Variants in SHISA6 observed in about 807,000 individuals in gnomAD.
SHISA6 encodes protein shisa-6.
In SHISA6, 22 loss-of-function variants were observed where a neutral mutation model predicts 47.9. The ratio of observed to expected loss-of-function variants is 0.46; its 90% confidence interval spans 0.33 to 0.66. The LOEUF (loss-of-function observed/expected upper bound fraction) is 0.66, where lower values mean the gene tolerates loss of function less well. SHISA6 is among the 30% of genes least tolerant of loss of function. SHISA6 has a pLI of 0.02. For missense variants in SHISA6, 680 were observed against 764.6 expected (o/e 0.89, Z 1.30); for synonymous variants, 388 against 337.8 (o/e 1.15, Z -1.63).
intron 2 of SHISA6, among the ~76,000 whole-genome samples, chr17:11,294,135 C>T (rs976924918): frequency 2.6e-5 from 4 of 152,122 alleles, no homozygotes; most frequent in Admixed American, 6.5e-5. Context: ...CCACTCACCT[C>T]GGCCTCCCAG....
In SHISA6 at chr17:11,371,420, A is replaced by G. The variant is rs1912627108; in HGVS notation, c.800-7994A>G. ...TTATGGCCTGAGGTCAGCTTGAGGCACATGCAAGGTAAGAGGACCCCAGGG... is the reference window on the plus strand; with the variant it reads ...TTATGGCCTGAGGTCAGCTTGAGGCGCATGCAAGGTAAGAGGACCCCAGGG... On this transcript the variant is annotated intron_variant, in intron 2 of 5. Coordinates refer to ENST00000441885, the MANE Select transcript of SHISA6 (RefSeq NM_207386.4). Among the ~76,000 whole-genome samples the G allele has an allele frequency of 2.6e-5, 4 of 152,274 alleles. No homozygotes were observed. In the South Asian group the frequency reaches 8.3e-4, roughly 32 times the overall value.
intron 1 of SHISA6, among the ~76,000 whole-genome samples, chr17:11,251,936 A>G (rs781095295): frequency 1.3e-5 from 2 of 152,180 alleles, no homozygotes; most frequent in Admixed American, 6.5e-5. Context: ...CTGAACTCAC[A>G]TTCCCTGGTG....
At chr17:11,299,890 A>C (rs1037397156) in intron 2 of SHISA6, among the ~76,000 whole-genome samples, 1 of 152,150 alleles carries the variant, frequency 6.6e-6, no homozygotes, top group African/African-American at 2.4e-5. Context: ...TCACGTCTGT[A>C]ATCTCAGCAC....
chr17:11,358,072 A>AT (rs1912132499), intron 2 of SHISA6, among the ~76,000 whole-genome samples: 1 of 152,178 alleles, frequency 6.6e-6, no homozygotes, highest in African/African-American at 2.4e-5. Flanking sequence ...CATTTTATCC[A>AT]TTTTTAAGTA....
chr17:11,355,767 G>A (rs1912060009), intron 2 of SHISA6, among the ~76,000 whole-genome samples: 1 of 152,160 alleles, frequency 6.6e-6, no homozygotes, highest in South Asian at 2.1e-4. Flanking sequence ...TCCCCATCTG[G>A]GATAGAAAGG....
At position 11,502,351 on chromosome 17, in the gene SHISA6, G is replaced by A. The variant is rs533111961; in HGVS notation, c.896-49545G>A. Among the ~76,000 whole-genome samples, 95 of 145,364 alleles carry A rather than the reference G, an allele frequency of 6.5e-4. 1 individual carries two copies. In the South Asian group the frequency reaches 0.021, roughly 32 times the overall value. Reference sequence around the variant, plus strand: ...GTGAACCCGGGAGGCGGAGCTTGCAGTGAGCTGAGATCGCGCCACTGGACT... The same window carrying A: ...GTGAACCCGGGAGGCGGAGCTTGCAATGAGCTGAGATCGCGCCACTGGACT... On this transcript the variant is annotated intron_variant, in intron 3 of 5. Coordinates refer to ENST00000441885, the MANE Select transcript of SHISA6 (RefSeq NM_207386.4).
At chr17:11,468,323 T>C (rs1915858938) in intron 3 of SHISA6, among the ~76,000 whole-genome samples, 1 of 152,024 alleles carries the variant, frequency 6.6e-6, no homozygotes, top group South Asian at 2.1e-4. Context: ...CTGGGTATCT[T>C]AGCTGAGATA....
At chr17:11,466,266 T>C (rs1217560736) in intron 3 of SHISA6, among the ~76,000 whole-genome samples, 4 of 152,128 alleles carry the variant, frequency 2.6e-5, no homozygotes, top group Non-Finnish European at 5.9e-5. Context: ...GGGTTGAACT[T>C]GAGGCTGCTT....
intron 3 of SHISA6, among the ~76,000 whole-genome samples, chr17:11,520,657 G>A (rs534115036): frequency 1.3e-4 from 20 of 152,048 alleles, no homozygotes; most frequent in Middle Eastern, 3.4e-3. Context: ...GTATGCACAC[G>A]TGCACACACA....
At chr17:11,391,845 T>A (rs1913395871) in intron 3 of SHISA6, among the ~76,000 whole-genome samples, 1 of 152,104 alleles carries the variant, frequency 6.6e-6, no homozygotes. Context: ...GGTGGGGAGC[T>A]TTTCCCCCAG....
chr17:11,340,995 G>C (rs574883080), intron 2 of SHISA6, among the ~76,000 whole-genome samples: 3 of 152,248 alleles, frequency 2.0e-5, no homozygotes, highest in Non-Finnish European at 4.4e-5. Context: ...AGCCAAGCAG[G>C]AAGCAGCCCC....
intron 3 of SHISA6, among the ~76,000 whole-genome samples, chr17:11,494,203 G>A (rs2071389735): frequency 6.6e-6 from 1 of 152,014 alleles, no homozygotes; most frequent in Non-Finnish European, 1.5e-5. Context: ...CCCCACCCCA[G>A]CTTCCCTGAT....
At chr17:11,450,113 C>A (rs1361396326) in intron 3 of SHISA6, among the ~76,000 whole-genome samples, 1 of 152,064 alleles carries the variant, frequency 6.6e-6, no homozygotes, top group Non-Finnish European at 1.5e-5. Context: ...TCTCGATCTC[C>A]TGACCTCGTG....
chr17:11,330,944 G>A (rs1204669805), intron 2 of SHISA6, among the ~76,000 whole-genome samples: 1 of 152,138 alleles, frequency 6.6e-6, no homozygotes, highest in East Asian at 1.9e-4. Context: ...AGTCATTCTT[G>A]GATATATACA....
intron 2 of SHISA6, among the ~76,000 whole-genome samples, chr17:11,343,118 A>C (rs141215955): frequency 7.4e-4 from 112 of 152,244 alleles, no homozygotes; most frequent in African/African-American, 2.3e-3. Context: ...TTCCCCCTAT[A>C]AGTTATATGT....
At chr17:11,505,939 G>A (rs1384032858) in intron 3 of SHISA6, among the ~76,000 whole-genome samples, 2 of 152,184 alleles carry the variant, frequency 1.3e-5, no homozygotes, top group Non-Finnish European at 2.9e-5. Flanking sequence ...GCAGTAGAAT[G>A]AGGAAAGAAG....
At chr17:11,480,724 T>C (rs1218137226) in intron 3 of SHISA6, among the ~76,000 whole-genome samples, 2 of 152,348 alleles carry the variant, frequency 1.3e-5, no homozygotes, top group African/African-American at 4.8e-5. Context: ...CTTGTCCACC[T>C]GCTCCTGAGC....
intron 3 of SHISA6, among the ~76,000 whole-genome samples, chr17:11,398,389 C>G (rs1034000646): frequency 2.0e-5 from 3 of 151,966 alleles, no homozygotes; most frequent in Admixed American, 6.6e-5. Context: ...TACAGGATGC[C>G]ACTACTCCCC....
intron 3 of SHISA6, among the ~76,000 whole-genome samples, chr17:11,523,255 C>T (rs997776776): frequency 2.0e-5 from 3 of 152,186 alleles, no homozygotes; most frequent in African/African-American, 7.2e-5. Context: ...GAAAACCCCC[C>T]GTTGGCTCCG....
Sources: allele counts gnomAD v4.1 joint callset (sites outside exome capture counted in the v4.1 genomes callset), GRCh38; gene constraint gnomAD v4.1.1; transcripts MANE v1.5; gene names NCBI Gene and HGNC (gene_info 2026-07-23, HGNC 2026-07-21).